Variants in DOK6 observed in about 807,000 individuals in gnomAD.
DOK6 encodes the protein downstream of tyrosine kinase 6.
In DOK6, 22 loss-of-function variants were observed where a neutral mutation model predicts 44.0. That is an observed-to-expected ratio of 0.50 (90% CI 0.36 to 0.71). The LOEUF (loss-of-function observed/expected upper bound fraction) is 0.71. DOK6 is among the 30% of genes least tolerant of loss of function. The pLI is 0.00. For missense variants in DOK6, 340 were observed against 416.4 expected (o/e 0.82, Z 1.60); for synonymous variants, 166 against 145.5 (o/e 1.14, Z -1.01).
intron 1 of DOK6, among the ~76,000 whole-genome samples, chr18:69,562,756 T>C (rs1403265166): frequency 2.6e-5 from 4 of 152,228 alleles, no homozygotes; most frequent in Non-Finnish European, 5.9e-5. Flanking sequence ...ACTTCATGTC[T>C]AAAACACCAA....
intron 5 of DOK6, among the ~76,000 whole-genome samples, chr18:69,710,447 C>G (rs756299777): frequency 9.2e-5 from 14 of 152,200 alleles, no homozygotes; most frequent in Non-Finnish European, 1.6e-4. Context: ...CCAAACCTCA[C>G]AGTGCTGCAA....
At chr18:69,728,342 C>T (rs781578261) in intron 5 of DOK6, among the ~76,000 whole-genome samples, 5 of 152,130 alleles carry the variant, frequency 3.3e-5, no homozygotes, top group Non-Finnish European at 5.9e-5. Context: ...CCCACAGTCA[C>T]CCAGGTCCAG....
intron 1 of DOK6, among the ~76,000 whole-genome samples, chr18:69,493,172 A>T (rs78222557): frequency 6.6e-6 from 1 of 152,150 alleles, no homozygotes; most frequent in Non-Finnish European, 1.5e-5. Flanking sequence ...ATTCATATTC[A>T]TCTTTGAGTA....
chr18:69,576,155 G>A (rs995262376), intron 2 of DOK6, among the ~76,000 whole-genome samples: 2 of 152,088 alleles, frequency 1.3e-5, no homozygotes, highest in African/African-American at 4.8e-5. Context: ...TTATGAGAAA[G>A]GCGAGATGTG....
intron 2 of DOK6, among the ~76,000 whole-genome samples, chr18:69,567,209 G>C (rs1983004408): frequency 6.6e-6 from 1 of 152,094 alleles, no homozygotes; most frequent in Non-Finnish European, 1.5e-5. Flanking sequence ...GTAGCACTGG[G>C]CCATGCACTG....
At chr18:69,825,594 C>T (rs1238358209) in intron 7 of DOK6, among the ~76,000 whole-genome samples, 1 of 151,796 alleles carries the variant, frequency 6.6e-6, no homozygotes, top group Non-Finnish European at 1.5e-5. Flanking sequence ...CCACCACGCC[C>T]GGCTAATTTT....
chr18:69,500,027 T>C (rs1763730189), intron 1 of DOK6, among the ~76,000 whole-genome samples: 1 of 152,310 alleles, frequency 6.6e-6, no homozygotes, highest in East Asian at 1.9e-4. Flanking sequence ...AGTACCAATC[T>C]GACTTCCTGG....
At chr18:69,680,377 A>C (rs1365139823) in intron 4 of DOK6, among the ~76,000 whole-genome samples, 2 of 152,218 alleles carry the variant, frequency 1.3e-5, no homozygotes, top group African/African-American at 4.8e-5. Flanking sequence ...CCACGGATAC[A>C]GCCATTGCTC....
intron 1 of DOK6, among the ~76,000 whole-genome samples, chr18:69,419,080 G>A (rs1978414694): frequency 2.6e-5 from 4 of 152,096 alleles, no homozygotes; most frequent in Non-Finnish European, 4.4e-5. Flanking sequence ...CAAGTGGTTT[G>A]AACACTCCAT....
intron 3 of DOK6, among the ~76,000 whole-genome samples, chr18:69,637,858 C>T (rs1025721877): frequency 2.6e-5 from 4 of 151,518 alleles, no homozygotes; most frequent in Non-Finnish European, 5.9e-5. Flanking sequence ...AGGACCTTGA[C>T]ATTTCGGTTG....
At chr18:69,800,967 G>T (rs1399452234) in intron 7 of DOK6, among the ~76,000 whole-genome samples, 1 of 152,092 alleles carries the variant, frequency 6.6e-6, no homozygotes, top group African/African-American at 2.4e-5. Context: ...TTTGGAGAAA[G>T]AAAAGAGCAC....
At chr18:69,614,039 C>T (rs891509539) in intron 3 of DOK6, among the ~76,000 whole-genome samples, 2 of 151,214 alleles carry the variant, frequency 1.3e-5, no homozygotes, top group African/African-American at 4.9e-5. Context: ...ACCTGAAATA[C>T]CTGGTTATCA....
At chr18:69,676,429 G>A (rs28367072) in intron 3 of DOK6, among the ~76,000 whole-genome samples, 1 of 152,138 alleles carries the variant, frequency 6.6e-6, no homozygotes, top group African/African-American at 2.4e-5. Context: ...CCATCAAGGA[G>A]AGCCCAGTGT....
intron 1 of DOK6, among the ~76,000 whole-genome samples, chr18:69,553,916 C>T (rs1031798314): frequency 1.3e-5 from 2 of 152,102 alleles, no homozygotes; most frequent in Non-Finnish European, 2.9e-5. Context: ...AGTGGTTTGT[C>T]GTAATACCTT....
chr18:69,830,268 G>T (rs917121940), intron 7 of DOK6, among the ~76,000 whole-genome samples: 6 of 152,088 alleles, frequency 3.9e-5, no homozygotes, highest in Admixed American at 3.3e-4. Context: ...TTTATAGCTT[G>T]TTATAGACTG....
At chr18:69,692,396 C>T (rs1051920291) in intron 4 of DOK6, among the ~76,000 whole-genome samples, 1 of 152,210 alleles carries the variant, frequency 6.6e-6, no homozygotes, top group African/African-American at 2.4e-5. Context: ...GAAGAAAAAC[C>T]ATTTTCCTAA....
chr18:69,542,062 C>T (rs1982283612), intron 1 of DOK6, among the ~76,000 whole-genome samples: 2 of 151,426 alleles, frequency 1.3e-5, no homozygotes, highest in South Asian at 4.2e-4. Flanking sequence ...TGTGGATGGC[C>T]TTGTGTGTGG....
intron 3 of DOK6, among the ~76,000 whole-genome samples, chr18:69,626,251 T>C (rs987526571): frequency 4.6e-5 from 7 of 152,190 alleles, no homozygotes; most frequent in African/African-American, 1.7e-4. Context: ...TCCCATTTGA[T>C]CTCTAAATGA....
chr18:69,768,757 C>T (rs1979795050), intron 7 of DOK6, among the ~76,000 whole-genome samples: 2 of 151,694 alleles, frequency 1.3e-5, no homozygotes, highest in Non-Finnish European at 1.5e-5. Context: ...CTGGATATGT[C>T]CTTCACATCT....
Sources: gnomAD v4.1 joint callset for allele counts (sites outside exome capture counted in the v4.1 genomes callset) on GRCh38, gnomAD v4.1.1 for gene constraint, MANE v1.5 for transcripts, NCBI Gene and HGNC (gene_info 2026-07-23, HGNC 2026-07-21) for gene names.